MACC1: variants seen among roughly 807,000 people sequenced by gnomAD.
MACC1 encodes metastasis-associated in colon cancer protein 1.
Under a neutral mutation model 70.7 loss-of-function variants are expected in MACC1, and 79 were observed. The observed-to-expected ratio is 1.12, with a 90% CI of 0.93 to 1.35. The LOEUF (loss-of-function observed/expected upper bound fraction) is 1.35, where lower values mean the gene tolerates loss of function less well. Ranked by LOEUF, MACC1 falls within the 40% of genes most tolerant of loss-of-function variation. The probability of loss-of-function intolerance (pLI) is 0.00; values close to 1 mark genes in which losing one functional copy is unlikely to be tolerated. For missense variants in MACC1, 1,106 were observed against 978.1 expected (o/e 1.13, Z -1.74); for synonymous variants, 361 against 347.2 (o/e 1.04, Z -0.44).
At chr7:20,187,311 C>G (rs988976291) in intron 1 of MACC1, among the ~76,000 whole-genome samples, 2 of 152,064 alleles carry the variant, frequency 1.3e-5, no homozygotes, top group African/African-American at 2.4e-5. Flanking sequence ...TAATGAAAAA[C>G]AGAGTGAAGA....
chr7:20,179,074 G>A (rs978925315), intron 1 of MACC1, among the ~76,000 whole-genome samples: 17 of 151,392 alleles, frequency 1.1e-4, no homozygotes, highest in African/African-American at 2.4e-4. Context: ...CTTTTGCTTC[G>A]TGCTGTGTTC....
intron 6 of MACC1, among the ~76,000 whole-genome samples, chr7:20,145,237 A>G (rs1412467082): frequency 6.6e-6 from 1 of 152,182 alleles, no homozygotes; most frequent in Non-Finnish European, 1.5e-5. Flanking sequence ...CTGTAACATC[A>G]ACAATGTGGG....
At chr7:20,165,871 G>A (rs181392575) in intron 2 of MACC1, among the ~76,000 whole-genome samples, 2 of 152,162 alleles carry the variant, frequency 1.3e-5, no homozygotes, top group Non-Finnish European at 2.9e-5. Context: ...AACCAACAAA[G>A]TTTTGCCCTT....
chr7:20,160,199 G>A lies in MACC1; in HGVS notation c.162C>T (p.Thr54=). The stretch of plus-strand genomic sequence containing the variant: ...CTTTGGAAGCATTATTACCACGAAG[G>A]GTGAAAGCATCCGGCCAATTGTGAA... The part of the protein sequence containing the change: ...DLLHNWPDAF[T]LRGNNASKVA... The change falls in exon 5 of 7, where the codon ACC becomes ACT. Residue 54 remains threonine, a synonymous_variant. Transcript: ENST00000400331. The A allele has an allele frequency of 6.3e-7, 1 of 1,598,656 alleles. No individual in the cohort carries two copies.
intron 6 of MACC1, among the ~76,000 whole-genome samples, chr7:20,146,844 T>C (rs988009224): frequency 1.3e-5 from 2 of 152,326 alleles, no homozygotes; most frequent in African/African-American, 2.4e-5. Context: ...AAATATTTAA[T>C]ACATAGGCTG....
intron 1 of MACC1, among the ~76,000 whole-genome samples, chr7:20,189,981 G>A (rs1782649086): frequency 1.3e-5 from 2 of 152,138 alleles, no homozygotes; most frequent in South Asian, 2.1e-4. Context: ...TTCTTGCTAT[G>A]TTTTCATGTA....
At position 20,137,117 on chromosome 7, in the gene MACC1, A is replaced by C. The variant is rs1781729199; in HGVS notation, c.*3829T>G. 6.6e-6 allele frequency: 1 copy of C among 152,036 alleles called. No homozygotes were observed. Among genetic ancestry groups the C allele is most frequent in the Non-Finnish European group, 1.5e-5 (1 of 67,990 alleles). 9.4% of individuals were successfully genotyped at this position (152,036 alleles called of 1,614,324 possible). On this transcript the variant is annotated 3_prime_UTR_variant, in exon 7 of 7. Coordinates refer to ENST00000400331, the MANE Select transcript of MACC1 (RefSeq NM_182762.4). Reference sequence around the variant, plus strand: ...ATTACCTCAAAAATTCCTTAGATATAAACAATTACAGAAAACATAACAATA... The same window carrying C: ...ATTACCTCAAAAATTCCTTAGATATCAACAATTACAGAAAACATAACAATA...
At chr7:20,216,267 T>C (rs1783068763) in intron 1 of MACC1, among the ~76,000 whole-genome samples, 1 of 152,136 alleles carries the variant, frequency 6.6e-6, no homozygotes, top group African/African-American at 2.4e-5. Flanking sequence ...CTTTAATAAA[T>C]GGAAGGCATT....
intron 1 of MACC1, among the ~76,000 whole-genome samples, chr7:20,196,615 A>G (rs1265623552): frequency 6.6e-6 from 1 of 151,998 alleles, no homozygotes; most frequent in Non-Finnish European, 1.5e-5. Flanking sequence ...AACAATGTAT[A>G]TATCTGTATG....
At chr7:20,189,355 C>A (rs1782638110) in intron 1 of MACC1, among the ~76,000 whole-genome samples, 1 of 152,206 alleles carries the variant, frequency 6.6e-6, no homozygotes, top group Non-Finnish European at 1.5e-5. Flanking sequence ...GTTTTGTTCA[C>A]TCTTGTATCC....
intron 1 of MACC1, among the ~76,000 whole-genome samples, chr7:20,180,987 G>A (rs1782495296): frequency 6.6e-6 from 1 of 151,958 alleles, no homozygotes; most frequent in African/African-American, 2.4e-5. Flanking sequence ...CAGATTCTAA[G>A]AACAATAAAT....
Position 20,160,239 on chromosome 7 carries a change from T to A in MACC1, c.122A>T (p.Gln41Leu). Reference protein sequence around the residue: ...LSKSCNITECQDPDLLHNWPD... With the variant: ...LSKSCNITECLDPDLLHNWPD... ...CCAATTGTGAAGCAAGTCTGGGTCC[T>A]GGCATTCTTGTTATTTAAGGAAAGA... Residue 41 changes from glutamine (Q) to leucine (L), a missense_variant, in exon 5 of 7, where the codon CAG (glutamine) becomes CTG (leucine). By Grantham distance (113) the Gln-to-Leu change is moderately radical. Transcript: ENST00000400331. The A allele has an allele frequency of 6.5e-7, 1 of 1,546,774 alleles. No individual in the cohort carries two copies. Among genetic ancestry groups the A allele is most frequent in the Non-Finnish European group, 8.7e-7 (1 of 1,153,634 alleles).
At chr7:20,162,604 T>C (rs1384524641) in intron 3 of MACC1, among the ~76,000 whole-genome samples, 1 of 152,058 alleles carries the variant, frequency 6.6e-6, no homozygotes, top group African/African-American at 2.4e-5. Flanking sequence ...GGACACAGAA[T>C]AGAGATCTCA....
intron 6 of MACC1, among the ~76,000 whole-genome samples, chr7:20,145,773 G>C (rs1781881389): frequency 6.6e-6 from 1 of 152,292 alleles, no homozygotes; most frequent in Middle Eastern, 3.4e-3. Context: ...GAGAAATCGA[G>C]AAGGAATGAG....
chr7:20,197,715 C>A (rs1215409780), intron 1 of MACC1, among the ~76,000 whole-genome samples: 1 of 152,148 alleles, frequency 6.6e-6, no homozygotes, highest in Non-Finnish European at 1.5e-5. Context: ...CTGCATAGAT[C>A]ACGGAAAGTT....
At chr7:20,195,283 A>G (rs1455593661) in intron 1 of MACC1, among the ~76,000 whole-genome samples, 1 of 152,164 alleles carries the variant, frequency 6.6e-6, no homozygotes. Context: ...TAACTTTAAA[A>G]ACTACAGGAT....
At chr7:20,149,377 T>C (rs985960813) in intron 6 of MACC1, among the ~76,000 whole-genome samples, 10 of 152,208 alleles carry the variant, frequency 6.6e-5, no homozygotes, top group Non-Finnish European at 1.5e-4. Flanking sequence ...TAATAAATAA[T>C]ATGTATTTAG....
At chr7:20,200,090 C>A (rs931101451) in intron 1 of MACC1, among the ~76,000 whole-genome samples, 3 of 151,294 alleles carry the variant, frequency 2.0e-5, no homozygotes, top group African/African-American at 7.3e-5. Context: ...TTTCCTTTTA[C>A]AGATGAAGAT....
chr7:20,142,405 G>A (rs1781819378), intron 6 of MACC1, among the ~76,000 whole-genome samples: 1 of 152,116 alleles, frequency 6.6e-6, no homozygotes, highest in Non-Finnish European at 1.5e-5. Flanking sequence ...CATCTCTCTC[G>A]ACAAAGCTTA....
Sources: allele counts gnomAD v4.1 joint callset (sites outside exome capture counted in the v4.1 genomes callset), GRCh38; gene constraint gnomAD v4.1.1; transcripts MANE v1.5; gene names NCBI Gene and HGNC (gene_info 2026-07-23, HGNC 2026-07-21).